NEGR1: variants seen among roughly 807,000 people sequenced by gnomAD.
NEGR1 encodes the protein IgLON family member 4.
A neutral mutation model predicts 40.9 loss-of-function variants in NEGR1; 10 were observed. The observed-to-expected ratio is 0.24, with a 90% CI of 0.15 to 0.42. The LOEUF is 0.42. Ranked by LOEUF, NEGR1 falls within the 10% of genes least tolerant of loss-of-function variation. The pLI is 1.00. For synonymous variants in NEGR1, 185 were observed against 166.8 expected, an observed-to-expected ratio of 1.11 and a Z score of -0.84; for missense variants, 352 against 438.9, an observed-to-expected ratio of 0.80 and a Z score of 1.77.
rs891431433 is a variant in NEGR1, at chr1:71,399,893, T to C, written c.*7553A>G. ...TTTTAGAACAATCAAGAGAATTTTG[T>C]TCCTTAGCTTTAGCATATTATAGTC... On this transcript the variant is annotated 3_prime_UTR_variant, in exon 7 of 7. Transcript: ENST00000357731. The C allele has an allele frequency of 5.3e-5, 8 of 152,206 alleles. No individual in the cohort carries two copies. Among genetic ancestry groups the C allele is most frequent in the African/African-American group, 1.9e-4 (8 of 41,462 alleles). The allele number at this position is 152,206 out of a possible 1,614,324, so 9.4% of individuals were successfully genotyped here.
intron 6 of NEGR1, among the ~76,000 whole-genome samples, chr1:71,416,620 T>C (rs549056132): frequency 2.6e-5 from 4 of 152,332 alleles, no homozygotes. Context: ...CCATTATATT[T>C]TGGCTATTTT....
At chr1:71,576,103 G>A (rs1014824793) in intron 6 of NEGR1, among the ~76,000 whole-genome samples, 3 of 152,110 alleles carry the variant, frequency 2.0e-5, no homozygotes, top group African/African-American at 4.8e-5. Context: ...GAGCCACAGA[G>A]GACAAAGAAC....
At chr1:71,767,109 AG>A (rs1348456077) in intron 3 of NEGR1, among the ~76,000 whole-genome samples, 1 of 152,180 alleles carries the variant, frequency 6.6e-6, no homozygotes, top group African/African-American at 2.4e-5. Flanking sequence ...ACTGAGGAGT[AG>A]GGCATTGCTA....
intron 1 of NEGR1, among the ~76,000 whole-genome samples, chr1:72,015,298 A>T (rs1646699202): frequency 6.6e-6 from 1 of 152,108 alleles, no homozygotes; most frequent in Non-Finnish European, 1.5e-5. Context: ...TTGTCTTTTT[A>T]AAAAAGTTTA....
intron 3 of NEGR1, among the ~76,000 whole-genome samples, chr1:71,771,722 A>AAAAAAAAG (rs1656333440): frequency 2.7e-5 from 4 of 148,368 alleles, no homozygotes; most frequent in East Asian, 2.0e-4. Context: ...AAAAAAAAAA[A>AAAAAAAAG]GGTGTGAATC....
chr1:72,071,445 C>T (rs1372139528), intron 1 of NEGR1, among the ~76,000 whole-genome samples: 1 of 151,930 alleles, frequency 6.6e-6, no homozygotes, highest in Non-Finnish European at 1.5e-5. Context: ...TACATATGTA[C>T]TTTTCTTTCA....
intron 1 of NEGR1, among the ~76,000 whole-genome samples, chr1:72,263,640 C>G (rs1188204048): frequency 6.6e-6 from 1 of 151,384 alleles, no homozygotes; most frequent in Non-Finnish European, 1.5e-5. Context: ...TCAGTCCAAA[C>G]AAAACAAAGA....
At chr1:72,170,328 G>A (rs548532381) in intron 1 of NEGR1, among the ~76,000 whole-genome samples, 26 of 152,054 alleles carry the variant, frequency 1.7e-4, no homozygotes, top group Middle Eastern at 3.4e-3. Flanking sequence ...TGTTTTCCCT[G>A]ATTTATTTTT....
Position 72,030,386 on chromosome 1 carries a change from C to T in NEGR1, c.177-95075G>A, listed in dbSNP as rs1484340182. 4.6e-5 allele frequency among the ~76,000 whole-genome samples: 7 copies of T among 151,930 alleles called. 1 individual carries two copies. Among genetic ancestry groups the T allele is most frequent in the Non-Finnish European group, 8.8e-5 (6 of 67,968 alleles). On this transcript the variant is annotated intron_variant, in intron 1 of 6. Coordinates refer to ENST00000357731, the MANE Select transcript of NEGR1 (RefSeq NM_173808.3). ...CATGCCCGGCTAATAACTACAGATA[C>T]TACTGAAGTACTATTAACTGGGTGA... is the stretch of plus-strand genomic sequence containing the variant.
chr1:71,925,063 T>C (rs1156769243), intron 2 of NEGR1, among the ~76,000 whole-genome samples: 1 of 152,012 alleles, frequency 6.6e-6, no homozygotes, highest in Non-Finnish European at 1.5e-5. Context: ...TCAGACACCA[T>C]CCTGGTTGAG....
intron 1 of NEGR1, among the ~76,000 whole-genome samples, chr1:72,041,708 C>A (rs760026551): frequency 1.3e-5 from 2 of 148,626 alleles, no homozygotes; most frequent in African/African-American, 4.9e-5. Flanking sequence ...GTTGAAAAGA[C>A]TAGATGGATA....
chr1:72,273,805 T>C (rs1347014256), intron 1 of NEGR1, among the ~76,000 whole-genome samples: 1 of 151,720 alleles, frequency 6.6e-6, no homozygotes, highest in African/African-American at 2.4e-5. Context: ...AGGAATTATT[T>C]AAGGCAGGGA....
chr1:71,713,336 A>G (rs979083398), intron 3 of NEGR1, among the ~76,000 whole-genome samples: 1 of 152,168 alleles, frequency 6.6e-6, no homozygotes, highest in African/African-American at 2.4e-5. Flanking sequence ...ATTTCCTCTT[A>G]TATTATAATC....
intron 1 of NEGR1, among the ~76,000 whole-genome samples, chr1:72,033,124 A>T (rs1451412978): frequency 6.6e-5 from 10 of 152,194 alleles, no homozygotes; most frequent in Admixed American, 1.3e-4. Flanking sequence ...TAGCAAGAAC[A>T]CTTCTAAAAG....
chr1:72,111,205 T>C (rs1215026431), intron 1 of NEGR1, among the ~76,000 whole-genome samples: 1 of 151,664 alleles, frequency 6.6e-6, no homozygotes, highest in East Asian at 1.9e-4. Flanking sequence ...GGTTGGCTAT[T>C]AAACCTTTCT....
intron 1 of NEGR1, among the ~76,000 whole-genome samples, chr1:72,132,796 C>T (rs1161135713): frequency 6.6e-6 from 1 of 151,956 alleles, no homozygotes; most frequent in East Asian, 1.9e-4. Flanking sequence ...AAAATGGAAT[C>T]TAAAGTGCAT....
chr1:71,810,181 C>A (rs973090896), intron 2 of NEGR1, among the ~76,000 whole-genome samples: 1 of 152,096 alleles, frequency 6.6e-6, no homozygotes, highest in African/African-American at 2.4e-5. Context: ...AGAGGTTAAG[C>A]TACCCTTAAC....
intron 3 of NEGR1, among the ~76,000 whole-genome samples, chr1:71,761,146 C>A (rs551634771): frequency 6.6e-6 from 1 of 152,218 alleles, no homozygotes; most frequent in Non-Finnish European, 1.5e-5. Flanking sequence ...AAACTTAAGA[C>A]CTAAACCTCT....
At chr1:72,058,730 G>GA (rs1329966119) in intron 1 of NEGR1, among the ~76,000 whole-genome samples, 2 of 151,622 alleles carry the variant, frequency 1.3e-5, no homozygotes, top group East Asian at 3.9e-4. Context: ...TTATCGCTGT[G>GA]AAAAAAATCA....
Sources: gnomAD v4.1 joint callset for allele counts (sites outside exome capture counted in the v4.1 genomes callset) on GRCh38, gnomAD v4.1.1 for gene constraint, MANE v1.5 for transcripts, NCBI Gene and HGNC (gene_info 2026-07-23, HGNC 2026-07-21) for gene names.